Variants in ZNF335 observed in about 807,000 individuals in gnomAD.
The protein encoded by ZNF335 is zinc finger protein 335, also known as NRC-interacting factor 1.
A neutral mutation model predicts 145.6 loss-of-function variants in ZNF335; 84 were observed. The ratio of observed to expected loss-of-function variants is 0.58; its 90% CI spans 0.48 to 0.69. ZNF335 has a LOEUF of 0.69. Ranked by LOEUF, ZNF335 falls within the 30% of genes least tolerant of loss-of-function variation. ZNF335 has a pLI of 0.00. For missense variants in ZNF335, 1,865 were observed against 1,809.7 expected (o/e 1.03, Z -0.55); for synonymous variants, 761 against 717.0 (o/e 1.06, Z -0.98).
intron 2 of ZNF335, chr20:45,970,037 G>A (rs1044162650): frequency 1.5e-5 from 3 of 200,200 alleles, no homozygotes; most frequent in Non-Finnish European, 3.1e-5. Flanking sequence ...ATCTTACCCA[G>A]CCTTCTCACC....
intron 10 of ZNF335, among the ~76,000 whole-genome samples, 171 bp from the exon 11 acceptor site, chr20:45,961,053 C>T (rs569954727): frequency 5.3e-5 from 8 of 152,208 alleles, no homozygotes; most frequent in Non-Finnish European, 1.0e-4. Flanking sequence ...CTAAGGGGCA[C>T]GCTGTAAATA....
chr20:45,961,502 T>C (rs2083842870), intron 10 of ZNF335: 1 of 151,900 alleles, frequency 6.6e-6, no homozygotes, highest in East Asian at 1.9e-4. Flanking sequence ...TTTTTTTTTT[T>C]TTTCATTTAA....
rs576474179 is a variant in ZNF335, at chr20:45,948,729, T to C, written c.*224A>G. Reference sequence around the variant, plus strand: ...TGGGTCCACCCAAACAAAAATAAATTTCTCTCCCAAAGCCTGCCTGCAGGC... The same window carrying C: ...TGGGTCCACCCAAACAAAAATAAATCTCTCTCCCAAAGCCTGCCTGCAGGC... On this transcript the variant is annotated 3_prime_UTR_variant, in exon 28 of 28. Coordinates refer to ENST00000322927, the MANE Select transcript of ZNF335 (RefSeq NM_022095.4). 7 of 595,604 alleles carry C rather than the reference T, an allele frequency of 1.2e-5. No individual in the cohort carries two copies. In the East Asian group the frequency reaches 2.1e-4, roughly 18 times the overall value. The allele number at this position is 595,604 out of a possible 1,614,324, so 36.9% of individuals were successfully genotyped here. A position where few individuals can be genotyped will look rare whatever the true frequency, so the allele number is the denominator to read the frequency against.
Position 45,972,107 on chromosome 20 carries a change from C to G in ZNF335, c.-51+15G>C, listed in dbSNP as rs759613197. The G allele has an allele frequency of 1.6e-5, 21 of 1,289,224 alleles. No homozygotes were observed. In the South Asian group the frequency reaches 2.5e-4, roughly 15 times the overall value. The allele number at this position is 1,289,224 out of a possible 1,614,324, so 79.9% of individuals were successfully genotyped here. Reference sequence around the variant, plus strand: ...CAGGGTACGGTGGGGCCGCCTAACTCTACCCGAAGCTCACCCGAGGCTTTC... The same window carrying G: ...CAGGGTACGGTGGGGCCGCCTAACTGTACCCGAAGCTCACCCGAGGCTTTC... On this transcript the variant is annotated intron_variant, in intron 1 of 27. Transcript: ENST00000322927.
chr20:45,951,599 T>C (rs1026705259), intron 20 of ZNF335, among the ~76,000 whole-genome samples: 1 of 152,200 alleles, frequency 6.6e-6, no homozygotes, highest in African/African-American at 2.4e-5. Flanking sequence ...CCTAGATTAC[T>C]CGTATGCACA....
Position 45,948,927 on chromosome 20 carries a change from CATG to C in ZNF335, c.*23_*25del. On this transcript the variant is annotated 3_prime_UTR_variant, in exon 28 of 28. Transcript: ENST00000322927. ...CCCCCAGGAGAGCTGGCCGCAAATC[CATG>C]ATCTGTGTTGGGCCCTCGGGGCTCA... is the stretch of plus-strand genomic sequence containing the variant. 1 of 1,613,672 alleles carries C rather than the reference CATG, an allele frequency of 6.2e-7. No homozygotes were observed. The highest frequency in any genetic ancestry group is 8.5e-7 in the Non-Finnish European group (1 of 1,180,006).
chr20:45,950,694 T>C lies in ZNF335; in HGVS notation c.3190-99A>G, dbSNP rs1449658089. On this transcript the variant is annotated intron_variant, in intron 20 of 27. Coordinates refer to ENST00000322927, the MANE Select transcript of ZNF335 (RefSeq NM_022095.4). ...CAGCTGGTCAGGGAACCAGACAAAG[T>C]GGACCTGGGAAAACCAAAATCCTGT... The C allele has an allele frequency of 1.2e-5, 19 of 1,548,520 alleles. No individual in the cohort carries two copies. In the African/African-American group the frequency reaches 1.8e-4, roughly 14 times the overall value.
rs1172684207 is a variant in ZNF335, at chr20:45,949,389, C to T, written c.3763G>A (p.Gly1255Ser). The change falls in exon 26 of 28, where the codon GGC (glycine) becomes AGC (serine). Residue 1255 changes from glycine (G) to serine (S), a missense_variant. Coordinates refer to ENST00000322927, the MANE Select transcript of ZNF335 (RefSeq NM_022095.4). Reference protein sequence around the residue: ...PEGHHIQVQEGQITHIQYEQG... With the variant: ...PEGHHIQVQESQITHIQYEQG... Reference sequence around the variant, plus strand: ...TCATACTGGATGTGTGTGATCTGGCCCTCCTGTACCTGCAGAGAGGAAGCC... The same window carrying T: ...TCATACTGGATGTGTGTGATCTGGCTCTCCTGTACCTGCAGAGAGGAAGCC... 3 of 1,613,984 alleles carry T rather than the reference C, an allele frequency of 1.9e-6. No homozygotes were observed. The highest frequency in any genetic ancestry group is 2.5e-6 in the Non-Finnish European group (3 of 1,180,040).
chr20:45,953,806 C>T lies in ZNF335; in HGVS notation c.2585G>A (p.Gly862Asp). The change falls in exon 18 of 28, where the codon GGC becomes GAC. Residue 862 changes from glycine to aspartate, a missense_variant. Transcript: ENST00000322927. ...GGGAAAESQL[G>D]PPDLPQITLA... ...GGTGATCTGCGGTAGGTCAGGAGGG[C>T]CTAGCTGGCTCTCGGCTGCTGCACC... The T allele has an allele frequency of 1.9e-6, 3 of 1,614,136 alleles. No homozygotes were observed. The highest frequency in any genetic ancestry group is 2.5e-6 in the Non-Finnish European group (3 of 1,180,028).
rs1177104720 is a variant in ZNF335, at chr20:45,949,320, C to T, written c.3819+13G>A. 9 of 1,614,122 alleles carry T rather than the reference C, an allele frequency of 5.6e-6. No homozygotes were observed. Among genetic ancestry groups the T allele is most frequent in the Non-Finnish European group, 7.6e-6 (9 of 1,180,028 alleles). On this transcript the variant is annotated intron_variant, in intron 26 of 27. Coordinates refer to ENST00000322927, the MANE Select transcript of ZNF335 (RefSeq NM_022095.4). ...CCTGTGCCCCAGGTCTCCCTGTCCCCCCACGGCCCTACCTGGGACTCCTGA... is the reference window on the plus strand; with the variant it reads ...CCTGTGCCCCAGGTCTCCCTGTCCCTCCACGGCCCTACCTGGGACTCCTGA...
At chr20:45,970,902 C>A (rs2084049757) in intron 2 of ZNF335, among the ~76,000 whole-genome samples, 1 of 152,026 alleles carries the variant, frequency 6.6e-6, no homozygotes, top group Non-Finnish European at 1.5e-5. Context: ...TAGACATCTG[C>A]CTCTCAAAGT....
chr20:45,963,599 G>C lies in ZNF335; in HGVS notation c.1407C>G (p.Ile469Met). The change falls in exon 9 of 28, where the codon ATC (isoleucine) becomes ATG (methionine). Residue 469 changes from isoleucine (I) to methionine (M), a missense_variant. Physicochemically the swap from Ile to Met is conservative, Grantham distance 10. Transcript: ENST00000322927. ...CGTGGGACAGAAAGCGAGAACCACA[G>C]ATGCGGCACAGGAAGGGCCTCAAAA... ...KPLLRPFLCR[I>M]CGSRFLSHED... is the part of the protein sequence containing the mutation. 3 of 1,614,236 alleles carry C rather than the reference G, an allele frequency of 1.9e-6. No homozygotes were observed. The highest frequency in any genetic ancestry group is 2.5e-6 in the Non-Finnish European group (3 of 1,180,042).
At chr20:45,965,541 T>C in intron 7 of ZNF335, 87 bp downstream of exon 7, 2 of 1,465,580 alleles carry the variant, frequency 1.4e-6, no homozygotes, top group Non-Finnish European at 9.1e-7. Flanking sequence ...CAGGGCACAC[T>C]CAGTCCCCAG....
chr20:45,952,959 GGGGGCACACAGTGAGGCAGA>G (rs377282863), intron 18 of ZNF335, among the ~76,000 whole-genome samples: 164 of 152,318 alleles, frequency 1.1e-3, no homozygotes, highest in African/African-American at 3.7e-3. Context: ...TGGCGAGGTG[GGGGGCACACAGTGAGGCAGA>G]GGGGTCTAAC....
chr20:45,950,940 T>C (rs1372750245), intron 20 of ZNF335, among the ~76,000 whole-genome samples: 1 of 152,128 alleles, frequency 6.6e-6, no homozygotes, highest in Non-Finnish European at 1.5e-5. Context: ...GCCCAGAGGC[T>C]GGAGTGCAAT....
chr20:45,969,356 AAAGT>A, intron 3 of ZNF335, 91 bp downstream of exon 3: 1 of 1,374,186 alleles, frequency 7.3e-7, no homozygotes, highest in East Asian at 2.5e-5. Flanking sequence ...TCCACATGGG[AAAGT>A]AATCTGCCTG....
In ZNF335 at chr20:45,959,896, G is replaced by A. The variant is rs181727132; in HGVS notation, c.2020+312C>T. 1.9e-3 allele frequency among the ~76,000 whole-genome samples: 293 copies of A among 152,318 alleles called. 1 individual carries two copies. Among genetic ancestry groups the A allele is most frequent in the Non-Finnish European group, 8.1e-4 (55 of 68,032 alleles). On this transcript the variant is annotated intron_variant, in intron 14 of 27. Coordinates refer to ENST00000322927, the MANE Select transcript of ZNF335 (RefSeq NM_022095.4). The stretch of plus-strand genomic sequence containing the variant: ...CAGTGCCAGCACACACAAGGCTCAA[G>A]GAACAAATGGAACTTACTTTCATCA...
At chr20:45,955,451 G>A (rs1014195315) in intron 17 of ZNF335, among the ~76,000 whole-genome samples, 13 of 151,204 alleles carry the variant, frequency 8.6e-5, no homozygotes, top group African/African-American at 2.4e-4. Context: ...GTATACTGGC[G>A]TATCTTTTTA....
At chr20:45,959,982 C>T (rs1363737648) in intron 14 of ZNF335, among the ~76,000 whole-genome samples, 1 of 152,210 alleles carries the variant, frequency 6.6e-6, no homozygotes, top group Non-Finnish European at 1.5e-5. Flanking sequence ...TCGGAGAGGG[C>T]AAGCGACCGG....
Sources: allele counts gnomAD v4.1 joint callset (sites outside exome capture counted in the v4.1 genomes callset), GRCh38; gene constraint gnomAD v4.1.1; transcripts MANE v1.5; gene names NCBI Gene and HGNC (gene_info 2026-07-23, HGNC 2026-07-21).